Variants in VRTN observed in about 807,000 individuals in gnomAD.
VRTN encodes vertnin.
Under a neutral mutation model 18.2 loss-of-function variants are expected in VRTN, and 5 were observed. The ratio of observed to expected loss-of-function variants is 0.27; its 90% CI spans 0.14 to 0.58. The LOEUF is 0.58. Ranked by LOEUF, VRTN falls within the 20% of genes least tolerant of loss-of-function variation. The probability of loss-of-function intolerance (pLI) is 0.91; values close to 1 mark genes in which losing one functional copy is unlikely to be tolerated. For synonymous variants in VRTN, 381 were observed against 393.7 expected, an observed-to-expected ratio of 0.97 and a Z score of 0.38; for missense variants, 741 against 939.4, an observed-to-expected ratio of 0.79 and a Z score of 2.76.
intron 1 of VRTN, among the ~76,000 whole-genome samples, chr14:74,331,146 G>C (rs1207373759): frequency 1.9e-4 from 29 of 151,650 alleles, no homozygotes; most frequent in Non-Finnish European, 7.4e-5. Flanking sequence ...AGCTTGCAGT[G>C]AGCCGAGATC....
At chr14:74,334,379 C>T (rs1354756571) in intron 1 of VRTN, among the ~76,000 whole-genome samples, 1 of 151,882 alleles carries the variant, frequency 6.6e-6, no homozygotes, top group East Asian at 1.9e-4. Context: ...AAATACAAAA[C>T]ATTACCCAGG....
At chr14:74,331,544 TTATATATATATATATATATATATATATA>T (rs1169929236) in intron 1 of VRTN, among the ~76,000 whole-genome samples, 4,040 of 43,626 alleles carry the variant, frequency 0.093, 343 homozygotes, top group East Asian at 0.27. Context: ...AAAAAAAATT[TTATATATATATATATATATATATATATA>T]TATATATATA....
chr14:74,302,996 AC>A, upstream of VRTN: 1 of 1,355,360 alleles, frequency 7.4e-7, no homozygotes, highest in South Asian at 1.6e-5. Flanking sequence ...GGCCCCGGCT[AC>A]CACAGAGACG....
chr14:74,318,383 G>C (rs937248081), intron 1 of VRTN, among the ~76,000 whole-genome samples: 17 of 151,960 alleles, frequency 1.1e-4, no homozygotes, highest in Non-Finnish European at 2.4e-4. Context: ...TGATTCTCCT[G>C]CCTCAGCCTC....
upstream of VRTN, among the ~76,000 whole-genome samples, chr14:74,347,298 G>A (rs968619234): frequency 6.6e-6 from 1 of 152,244 alleles, no homozygotes; most frequent in Non-Finnish European, 1.5e-5. Context: ...CACCCGCTAA[G>A]CCACAGCCTC....
chr14:74,333,020 G>A (rs1212598636), intron 1 of VRTN, among the ~76,000 whole-genome samples: 1 of 152,146 alleles, frequency 6.6e-6, no homozygotes, highest in African/African-American at 2.4e-5. Context: ...AGATTTCTTT[G>A]AAGGCAGAAA....
chr14:74,312,758 T>A (rs1348486294), intron 1 of VRTN, among the ~76,000 whole-genome samples: 11 of 150,362 alleles, frequency 7.3e-5, no homozygotes, highest in Non-Finnish European at 1.5e-4. Flanking sequence ...GCCTGTGTTT[T>A]TTTTTTTTTT....
chr14:74,306,248 G>A (rs1459226396), intron 1 of VRTN, among the ~76,000 whole-genome samples: 2 of 144,242 alleles, frequency 1.4e-5, no homozygotes, highest in South Asian at 2.2e-4. Flanking sequence ...ACAGCTGACC[G>A]CAGCCTCCAT....
Position 74,358,377 on chromosome 14 carries a change from C to T in VRTN, c.1594C>T (p.Arg532Cys), listed in dbSNP as rs201213396. Reference sequence around the variant, plus strand: ...TCTCCCTTTCTGCCGCTTCCGCCTCCGCTACCCCAGCCTGTCACCTTCTGC... The same window carrying T: ...TCTCCCTTTCTGCCGCTTCCGCCTCTGCTACCCCAGCCTGTCACCTTCTGC... ...GHLPFCRFRL[R>C]YPSLSPSAFW... The change falls in exon 2 of 2, where the codon CGC (arginine) becomes TGC (cysteine). Residue 532 changes from arginine to cysteine, a missense_variant. Arg to Cys is a radical substitution (Grantham distance 180, BLOSUM62 -3). This residue lies in a region of VRTN where 494 missense variants were observed against 546.5 expected (regional missense o/e 0.90). Coordinates refer to ENST00000256362, the MANE Select transcript of VRTN (RefSeq NM_018228.3). This position sits in a 1 kb window ranked among gnomAD's most constrained non-coding sequence, Gnocchi z 5.4. The T allele has an allele frequency of 2.3e-5, 37 of 1,613,908 alleles. No individual in the cohort carries two copies. The highest frequency in any genetic ancestry group is 2.5e-5 in the Non-Finnish European group (30 of 1,180,022).
chr14:74,333,992 C>CAATCACCAT (rs2085546898), intron 1 of VRTN, among the ~76,000 whole-genome samples: 1 of 152,134 alleles, frequency 6.6e-6, no homozygotes, highest in South Asian at 2.1e-4. Context: ...ACTACAGTTA[C>CAATCACCAT]AATCACCATT....
chr14:74,303,164 T>A, exon 1 of VRTN: 1 of 421,854 alleles, frequency 2.4e-6, no homozygotes. Flanking sequence ...TCCGAGAGTG[T>A]AACTACTTTA....
chr14:74,346,171 C>T (rs988396160), upstream of VRTN, among the ~76,000 whole-genome samples: 4 of 151,642 alleles, frequency 2.6e-5, no homozygotes, highest in African/African-American at 9.7e-5. Flanking sequence ...GGCATGGTGG[C>T]GTGTGCCTGT....
chr14:74,334,303 C>T (rs915748089), intron 1 of VRTN, among the ~76,000 whole-genome samples: 4 of 151,980 alleles, frequency 2.6e-5, no homozygotes, highest in African/African-American at 7.3e-5. Flanking sequence ...CTGAGGCGGG[C>T]GGATTGCTTG....
chr14:74,345,477 G>A (rs899818442), upstream of VRTN, among the ~76,000 whole-genome samples: 1 of 148,698 alleles, frequency 6.7e-6, no homozygotes, highest in South Asian at 2.2e-4. Flanking sequence ...TCAGCCTCCC[G>A]AGTAGCTGGG....
At chr14:74,319,058 C>T (rs867553242) in intron 1 of VRTN, among the ~76,000 whole-genome samples, 16 of 151,216 alleles carry the variant, frequency 1.1e-4, no homozygotes, top group African/African-American at 3.9e-4. Context: ...GATGGGGTCT[C>T]ACTCTGTCAC....
In VRTN at chr14:74,357,305, G is replaced by C; in HGVS notation, c.522G>C (p.Trp174Cys). 1 of 1,613,060 alleles carries C rather than the reference G, an allele frequency of 6.2e-7. No homozygotes were observed. The part of the protein sequence containing the change: ...SCFPSSFSNV[W>C]HLYALASVLQ... Reference sequence around the variant, plus strand: ...TCCCCAGCAGCTTCTCCAACGTGTGGCACTTGTATGCTCTCGCCTCTGTCC... The same window carrying C: ...TCCCCAGCAGCTTCTCCAACGTGTGCCACTTGTATGCTCTCGCCTCTGTCC... The change falls in exon 2 of 2, where the codon TGG (tryptophan) becomes TGC (cysteine). Residue 174 changes from tryptophan (W) to cysteine (C), a missense_variant. Transcript: ENST00000256362. This position sits in a 1 kb window ranked among gnomAD's most constrained non-coding sequence, Gnocchi z 7.8.
chr14:74,329,009 G>A (rs1006443622), intron 1 of VRTN, among the ~76,000 whole-genome samples: 3 of 152,168 alleles, frequency 2.0e-5, no homozygotes, highest in Admixed American at 6.6e-5. Context: ...GGTGGCTCAT[G>A]CCTGTAATCC....
Position 74,358,300 on chromosome 14 carries a change from G to A in VRTN, c.1517G>A (p.Arg506His), listed in dbSNP as rs199857443. Residue 506 changes from arginine to histidine, a missense_variant, in exon 2 of 2, where the codon CGT becomes CAT. This residue lies in a region of VRTN where 494 missense variants were observed against 546.5 expected (regional missense o/e 0.90). Coordinates refer to ENST00000256362, the MANE Select transcript of VRTN (RefSeq NM_018228.3). The surrounding 1 kb of genome is among the most constrained non-coding windows in gnomAD (Gnocchi z 5.4). ...CTGCCACTAAGGATGCCCCTGTCCC[G>A]TTGGCAGAGGCGTCTGCGCAGGGCT... Reference protein sequence around the residue: ...ELLPLRMPLSRWQRRLRRAAR... With the variant: ...ELLPLRMPLSHWQRRLRRAAR... 110 of 1,610,976 alleles carry A rather than the reference G, an allele frequency of 6.8e-5. 1 individual carries two copies. Among genetic ancestry groups the A allele is most frequent in the Admixed American group, 2.0e-4 (12 of 59,932 alleles).
rs559655703 is a variant in VRTN, at chr14:74,358,868, C to A, written c.2085C>A (p.Asp695Glu). Residue 695 changes from aspartate to glutamate, a missense_variant, in exon 2 of 2, where the codon GAC becomes GAA. Physicochemically the swap from Asp to Glu is conservative, Grantham distance 45. Coordinates refer to ENST00000256362, the MANE Select transcript of VRTN (RefSeq NM_018228.3). This position sits in a 1 kb window ranked among gnomAD's most constrained non-coding sequence, Gnocchi z 5.4. Reference protein sequence around the residue: ...TYYMWKRALYDGLTLVDG With the variant: ...TYYMWKRALYEGLTLVDG ...ACATGTGGAAGCGAGCCCTCTATGA[C>A]GGCCTGACCCTGGTAGATGGCTGAC... 11 of 1,611,774 alleles carry A rather than the reference C, an allele frequency of 6.8e-6. No homozygotes were observed. The African/African-American group carries it at 1.3e-4, about 20-fold the overall frequency.
Sources: allele counts gnomAD v4.1 joint callset (sites outside exome capture counted in the v4.1 genomes callset), GRCh38; gene constraint gnomAD v4.1.1; regional missense constraint gnomAD v4.1.1; non-coding constraint Gnocchi (gnomAD v3.1); transcripts MANE v1.5; gene names NCBI Gene and HGNC (gene_info 2026-07-23, HGNC 2026-07-21).